Variants in XIRP2 observed in about 807,000 individuals in gnomAD.
The protein encoded by XIRP2 is xin actin-binding repeat-containing protein 2.
Under a neutral mutation model 277.0 loss-of-function variants are expected in XIRP2, and 236 were observed. The ratio of observed to expected loss-of-function variants is 0.85; its 90% CI spans 0.77 to 0.95. The LOEUF is 0.95. Among genes scored for constraint, XIRP2 ranks in the 40% least tolerant of loss-of-function variants. The pLI, the probability that XIRP2 is intolerant of heterozygous loss-of-function variation, is 0.00. For synonymous variants in XIRP2, 1,490 were observed against 1,416.5 expected (o/e 1.05, Z -1.17); for missense variants, 4,640 against 4,157.5 (o/e 1.12, Z -3.19).
Position 166,888,500 on chromosome 2 carries a change from A to G in XIRP2, c.-76A>G, listed in dbSNP as rs2105321685. ...TCAGGATTATTTGGAGAAATCTGGCAGGTCTCTAGGCAGACAAAAGGGAAC... is the reference window on the plus strand; with the variant it reads ...TCAGGATTATTTGGAGAAATCTGGCGGGTCTCTAGGCAGACAAAAGGGAAC... On this transcript the variant is annotated 5_prime_UTR_variant, in exon 1 of 11. Transcript: ENST00000409195. The G allele has an allele frequency of 6.6e-6, 1 of 152,162 alleles. No homozygotes were observed. Among genetic ancestry groups the G allele is most frequent in the Middle Eastern group, 3.4e-3 (1 of 294 alleles). The allele number at this position is 152,162 out of a possible 1,614,324, so 9.4% of individuals were successfully genotyped here.
intron 3 of XIRP2, among the ~76,000 whole-genome samples, chr2:167,165,650 G>A (rs1012727578): frequency 6.6e-6 from 1 of 152,164 alleles, no homozygotes; most frequent in African/African-American, 2.4e-5. Flanking sequence ...TTTTGGTGAG[G>A]TGTCTGTTAA....
At chr2:166,965,151 T>A (rs1686398526) in intron 2 of XIRP2, among the ~76,000 whole-genome samples, 1 of 151,848 alleles carries the variant, frequency 6.6e-6, no homozygotes, top group Admixed American at 6.6e-5. Context: ...TGTGGCCCAA[T>A]AATAAGGGGC....
At position 167,129,825 on chromosome 2, in the gene XIRP2, G is replaced by A. The variant is rs557437734; in HGVS notation, c.409-6084G>A. Among the ~76,000 whole-genome samples, 24 of 149,108 alleles carry A rather than the reference G, an allele frequency of 1.6e-4. No individual in the cohort carries two copies. The East Asian group carries it at 4.2e-3, about 26-fold the overall frequency. On this transcript the variant is annotated intron_variant, in intron 2 of 10. Coordinates refer to ENST00000409195, the MANE Select transcript of XIRP2 (RefSeq NM_152381.6). Reference sequence around the variant, plus strand: ...GCAGAGATTGTGGTGAGCTGAGATCGCGCCATTGCACTCCAGCCTGAGCAA... The same window carrying A: ...GCAGAGATTGTGGTGAGCTGAGATCACGCCATTGCACTCCAGCCTGAGCAA...
At chr2:167,154,199 A>G (rs1692112119) in intron 3 of XIRP2, among the ~76,000 whole-genome samples, 1 of 149,036 alleles carries the variant, frequency 6.7e-6, no homozygotes, top group Admixed American at 6.7e-5. Flanking sequence ...TGGCTGCATA[A>G]ATGTCTTCTT....
chr2:167,133,860 A>C (rs1302782222), intron 2 of XIRP2, among the ~76,000 whole-genome samples: 1 of 152,224 alleles, frequency 6.6e-6, no homozygotes, highest in Non-Finnish European at 1.5e-5. Context: ...ATGTAATGGC[A>C]TGTCTGACAC....
intron 2 of XIRP2, among the ~76,000 whole-genome samples, chr2:167,111,988 T>A (rs1484633795): frequency 6.6e-6 from 1 of 152,174 alleles, no homozygotes; most frequent in Admixed American, 6.5e-5. Context: ...TTTTTGTACT[T>A]CTGTGGGGTC....
chr2:167,105,430 G>T (rs894980708), intron 2 of XIRP2, among the ~76,000 whole-genome samples: 1 of 151,728 alleles, frequency 6.6e-6, no homozygotes, highest in Non-Finnish European at 1.5e-5. Context: ...TTTAGAATTG[G>T]CTTTCTTCAT....
At chr2:166,987,283 C>T (rs1373567224) in intron 2 of XIRP2, among the ~76,000 whole-genome samples, 1 of 152,036 alleles carries the variant, frequency 6.6e-6, no homozygotes, top group Non-Finnish European at 1.5e-5. Context: ...AGGGCTGGGA[C>T]TAGATATAGA....
chr2:166,925,714 C>A, intron 2 of XIRP2, among the ~76,000 whole-genome samples: 1 of 150,418 alleles, frequency 6.6e-6, no homozygotes, highest in African/African-American at 2.4e-5. Context: ...GTTCCCACTC[C>A]TAATCAGGGT....
At chr2:167,017,387 T>C (rs1052060938) in intron 2 of XIRP2, among the ~76,000 whole-genome samples, 3 of 152,014 alleles carry the variant, frequency 2.0e-5, no homozygotes, top group African/African-American at 4.8e-5. Flanking sequence ...GGGTTCACCA[T>C]GTATTCCTCT....
intron 10 of XIRP2, among the ~76,000 whole-genome samples, chr2:167,257,266 T>G (rs1036875290): frequency 6.6e-6 from 1 of 151,930 alleles, no homozygotes; most frequent in Non-Finnish European, 1.5e-5. Flanking sequence ...GTCACTTCAT[T>G]TAGTTGTAAA....
At chr2:166,911,273 C>G (rs2105346209) in intron 2 of XIRP2, among the ~76,000 whole-genome samples, 2 of 152,234 alleles carry the variant, frequency 1.3e-5, no homozygotes, top group South Asian at 4.2e-4. Context: ...TCACTCAGGA[C>G]TTGCTTTATG....
chr2:167,053,463 A>G (rs984657787), intron 2 of XIRP2, among the ~76,000 whole-genome samples: 4 of 152,088 alleles, frequency 2.6e-5, no homozygotes, highest in African/African-American at 9.7e-5. Flanking sequence ...GACAGGGTGC[A>G]ATGGGTTGTT....
intron 2 of XIRP2, among the ~76,000 whole-genome samples, chr2:167,117,153 G>A (rs1385450807): frequency 6.6e-6 from 1 of 151,888 alleles, no homozygotes; most frequent in East Asian, 1.9e-4. Context: ...GTAATCTGAT[G>A]TTAGTGATCT....
intron 3 of XIRP2, among the ~76,000 whole-genome samples, chr2:167,163,355 C>T (rs1692424411): frequency 1.3e-5 from 2 of 152,172 alleles, no homozygotes; most frequent in South Asian, 4.1e-4. Context: ...TAATTTCAGC[C>T]ATTCAAGTGG....
chr2:167,122,535 G>A (rs1691086535), intron 2 of XIRP2, among the ~76,000 whole-genome samples: 1 of 152,124 alleles, frequency 6.6e-6, no homozygotes, highest in South Asian at 2.1e-4. Flanking sequence ...GTGTAGCAGT[G>A]TTCACTTGGA....
At chr2:167,096,451 T>C (rs1417868445) in intron 2 of XIRP2, among the ~76,000 whole-genome samples, 1 of 152,150 alleles carries the variant, frequency 6.6e-6, no homozygotes, top group African/African-American at 2.4e-5. Flanking sequence ...TATTCTTTAT[T>C]AGTCTGGTTA....
At chr2:166,987,234 T>C (rs1250872166) in intron 2 of XIRP2, among the ~76,000 whole-genome samples, 1 of 152,162 alleles carries the variant, frequency 6.6e-6, no homozygotes, top group African/African-American at 2.4e-5. Context: ...TTGTCAGTTC[T>C]GAGTAGTCAG....
At chr2:167,023,218 T>C (rs1393939868) in intron 2 of XIRP2, among the ~76,000 whole-genome samples, 1 of 152,220 alleles carries the variant, frequency 6.6e-6, no homozygotes, top group Non-Finnish European at 1.5e-5. Flanking sequence ...ACGGTTAGCA[T>C]TTTTTCATGT....
Sources: gnomAD v4.1 joint callset for allele counts (sites outside exome capture counted in the v4.1 genomes callset) on GRCh38, gnomAD v4.1.1 for gene constraint, MANE v1.5 for transcripts, NCBI Gene and HGNC (gene_info 2026-07-23, HGNC 2026-07-21) for gene names.